The following NEK1 variants were observed in gnomAD, a reference collection of about 807,000 sequenced individuals.
The protein encoded by NEK1 is serine/threonine-protein kinase Nek1.
A neutral mutation model predicts 182.1 loss-of-function variants in NEK1; 137 were observed. That is an observed-to-expected ratio of 0.75 (90% CI 0.65 to 0.87). The LOEUF is 0.87. NEK1 is among the 40% of genes least tolerant of loss of function. The probability of loss-of-function intolerance (pLI) is 0.00; values close to 1 mark genes in which losing one functional copy is unlikely to be tolerated. For synonymous variants in NEK1, 513 were observed against 492.2 expected (o/e 1.04, Z -0.56); for missense variants, 1,391 against 1,494.4 (o/e 0.93, Z 1.14).
intron 8 of NEK1, among the ~76,000 whole-genome samples, chr4:169,588,154 G>A (rs1767833287): frequency 6.6e-6 from 1 of 152,074 alleles, no homozygotes; most frequent in Admixed American, 6.6e-5. Flanking sequence ...ATGGGCTTGG[G>A]AGCCAGATGT....
intron 27 of NEK1, among the ~76,000 whole-genome samples, chr4:169,450,793 A>T (rs1741568195): frequency 6.6e-6 from 1 of 152,226 alleles, no homozygotes. Context: ...ACAGGATCAA[A>T]TTCACACATA....
chr4:169,432,198 T>C (rs1225813796), intron 29 of NEK1, among the ~76,000 whole-genome samples: 3 of 152,130 alleles, frequency 2.0e-5, no homozygotes, highest in Admixed American at 1.3e-4. Flanking sequence ...CAAACAGATA[T>C]ACTATTTTTT....
intron 12 of NEK1, among the ~76,000 whole-genome samples, chr4:169,564,782 A>G (rs1763423453): frequency 6.6e-6 from 1 of 152,198 alleles, no homozygotes; most frequent in African/African-American, 2.4e-5. Flanking sequence ...TATCTAAAAT[A>G]TGTAATACCA....
intron 16 of NEK1, 97 bp downstream of exon 16, chr4:169,561,383 A>C (rs1388454266): frequency 9.5e-7 from 1 of 1,048,994 alleles, no homozygotes. Context: ...TTGTACACTA[A>C]AGAAAGAAAG....
chr4:169,600,559 C>G (rs1335607077), intron 4 of NEK1, among the ~76,000 whole-genome samples: 2 of 152,086 alleles, frequency 1.3e-5, no homozygotes, highest in Non-Finnish European at 2.9e-5. Context: ...GTGCACATAT[C>G]TTCTTTTGAT....
In NEK1 at chr4:169,467,680, T is replaced by C. The variant is rs72691071; in HGVS notation, c.2435-4285A>G. On this transcript the variant is annotated intron_variant, in intron 26 of 35. Transcript: ENST00000507142. ...TATTAGACTGTAATCCCATTGTAAA[T>C]TGAGGAGCATCTGGATTTAAATCCA... Among the ~76,000 whole-genome samples, 597 of 152,204 alleles carry C rather than the reference T, an allele frequency of 3.9e-3. 5 individuals carry two copies. The highest frequency in any genetic ancestry group is 0.03 in the South Asian group (143 of 4,820).
intron 23 of NEK1, among the ~76,000 whole-genome samples, chr4:169,499,077 C>T (rs1254218135): frequency 6.6e-6 from 1 of 152,194 alleles, no homozygotes; most frequent in Non-Finnish European, 1.5e-5. Context: ...CACATAGTCC[C>T]ATAATTCTTG....
Position 169,409,424 on chromosome 4 carries a change from G to A in NEK1, c.3223-2677C>T, listed in dbSNP as rs1396323991. Among the ~76,000 whole-genome samples the A allele has an allele frequency of 7.2e-5, 11 of 151,960 alleles. No homozygotes were observed. The East Asian group carries it at 2.2e-3, about 30-fold the overall frequency. ...CTCCCAAAGTGCTGGGATTACAGGC[G>A]TGAGCCACCGCGCCCGGCCACTTAC... On this transcript the variant is annotated intron_variant, in intron 31 of 35. Transcript: ENST00000507142.
Position 169,400,376 on chromosome 4 carries a change from T to C in NEK1, c.3715-19A>G. 6.9e-7 allele frequency: 1 copy of C among 1,457,832 alleles called. No homozygotes were observed. Among genetic ancestry groups the C allele is most frequent in the East Asian group, 2.5e-5 (1 of 39,916 alleles). 90.3% of individuals were successfully genotyped at this position (1,457,832 alleles called of 1,614,324 possible). ...GAATAGCCTATACCAAATTCCCAAA[T>C]ATAAATTAATATTTGAATAACTTTC... is the stretch of plus-strand genomic sequence containing the variant. On this transcript the variant is annotated intron_variant, in intron 34 of 35. Transcript: ENST00000507142.
At chr4:169,462,203 A>AATT (rs1184807198) in intron 27 of NEK1, among the ~76,000 whole-genome samples, 1 of 151,898 alleles carries the variant, frequency 6.6e-6, no homozygotes, top group Non-Finnish European at 1.5e-5. Flanking sequence ...TGCAGAGTAA[A>AATT]ATTATTATTA....
At chr4:169,590,034 G>A (rs955204132) in intron 6 of NEK1, among the ~76,000 whole-genome samples, 3 of 152,100 alleles carry the variant, frequency 2.0e-5, no homozygotes, top group Non-Finnish European at 4.4e-5. Context: ...GGGGCCAGGC[G>A]CAGTGGCTCA....
At chr4:169,535,977 C>A (rs898215262) in intron 19 of NEK1, among the ~76,000 whole-genome samples, 1 of 150,316 alleles carries the variant, frequency 6.7e-6, no homozygotes, top group Middle Eastern at 3.2e-3. Flanking sequence ...GCTCAATGAA[C>A]CCCTATACAA....
At chr4:169,569,837 C>T (rs1310051571) in intron 12 of NEK1, among the ~76,000 whole-genome samples, 10 of 152,308 alleles carry the variant, frequency 6.6e-5, no homozygotes, top group African/African-American at 1.2e-4. Context: ...GATCTCGGCT[C>T]GCTACAACCT....
chr4:169,601,939 A>C, intron 4 of NEK1, 69 bp downstream of exon 4: 1 of 1,081,026 alleles, frequency 9.3e-7, no homozygotes, highest in Non-Finnish European at 1.4e-6. Flanking sequence ...CTTTTTCCTA[A>C]GAATGCATTC....
At chr4:169,491,700 A>G (rs191101652) in intron 23 of NEK1, among the ~76,000 whole-genome samples, 2 of 152,306 alleles carry the variant, frequency 1.3e-5, no homozygotes, top group Admixed American at 1.3e-4. Context: ...AGGTATTTAT[A>G]TATATTCAAA....
chr4:169,551,275 T>C (rs1285729776), intron 18 of NEK1, among the ~76,000 whole-genome samples: 1 of 152,224 alleles, frequency 6.6e-6, no homozygotes, highest in Non-Finnish European at 1.5e-5. Flanking sequence ...TTGGGTTAAG[T>C]ACAAACTGGC....
chr4:169,608,493 A>G (rs1250863958), intron 2 of NEK1, among the ~76,000 whole-genome samples: 1 of 152,236 alleles, frequency 6.6e-6, no homozygotes, highest in South Asian at 2.1e-4. Flanking sequence ...ATAAAATAAA[A>G]CATGGGAGAA....
chr4:169,477,063 A>C (rs906599766), intron 26 of NEK1, 61 bp downstream of exon 26: 25 of 1,054,050 alleles, frequency 2.4e-5, no homozygotes, highest in Admixed American at 1.7e-4. Context: ...CAGAGTGGTT[A>C]GTCTATAAGT....
chr4:169,593,798 C>T (rs1258631624), intron 5 of NEK1, among the ~76,000 whole-genome samples: 1 of 152,078 alleles, frequency 6.6e-6, no homozygotes, highest in Non-Finnish European at 1.5e-5. Context: ...ACCATCCTGG[C>T]TAACACGGTG....
Sources: allele counts gnomAD v4.1 joint callset (sites outside exome capture counted in the v4.1 genomes callset), GRCh38; gene constraint gnomAD v4.1.1; transcripts MANE v1.5; gene names NCBI Gene and HGNC (gene_info 2026-07-23, HGNC 2026-07-21).